The following FLVCR2 variants were observed in gnomAD, a reference collection of about 807,000 sequenced individuals.
FLVCR2 encodes the protein FLVCR choline and putative heme transporter 2.
In FLVCR2, 38 loss-of-function variants were observed where a neutral mutation model predicts 48.9. That is an observed-to-expected ratio of 0.78 (90% CI 0.60 to 1.02). FLVCR2 has a LOEUF of 1.02. FLVCR2 is among the 50% of genes least tolerant of loss of function. The probability of loss-of-function intolerance (pLI) is 0.00; values close to 1 mark genes in which losing one functional copy is unlikely to be tolerated. For missense variants in FLVCR2, 664 were observed against 663.3 expected, an observed-to-expected ratio of 1.00 and a Z score of -0.01; for synonymous variants, 255 against 257.0, an observed-to-expected ratio of 0.99 and a Z score of 0.07.
At chr14:75,597,292 AAG>A (rs1491072876) in intron 1 of FLVCR2, among the ~76,000 whole-genome samples, 319 of 71,632 alleles carry the variant, frequency 4.5e-3, no homozygotes, top group African/African-American at 0.028. Flanking sequence ...AAAAAAAAAA[AAG>A]AAGAAGAAGA....
chr14:75,640,785 C>T (rs1488541286), intron 6 of FLVCR2, 170 bp from the exon 7 acceptor site: 2 of 665,492 alleles, frequency 3.0e-6, no homozygotes, highest in African/African-American at 3.6e-5. Flanking sequence ...TCAGGGGTGC[C>T]CGTCTCCTTG....
chr14:75,641,510 C>T (rs1890308638), intron 8 of FLVCR2, among the ~76,000 whole-genome samples: 1 of 152,174 alleles, frequency 6.6e-6, no homozygotes, highest in South Asian at 2.1e-4. Context: ...CAATGACTTC[C>T]ATAGCTATTG....
chr14:75,595,830 C>T (rs1006555762), intron 1 of FLVCR2: 22 of 894,164 alleles, frequency 2.5e-5, no homozygotes, highest in Middle Eastern at 3.3e-4. Context: ...TTTGCCAGCA[C>T]CAACATTGGC....
intron 1 of FLVCR2, among the ~76,000 whole-genome samples, chr14:75,582,822 T>A (rs1466221456): frequency 6.6e-6 from 1 of 152,178 alleles, no homozygotes; most frequent in Non-Finnish European, 1.5e-5. Context: ...TTAGTCAGGA[T>A]GGTAAAACTA....
In FLVCR2 at chr14:75,639,361, C is replaced by T; in HGVS notation, c.1134C>T (p.Thr378=). Residue 378 remains threonine, a synonymous_variant, in exon 6 of 10, where the codon ACC becomes ACT. Transcript: ENST00000238667. ...LDRSKTYKET[T]LVVYIMTLVG... ...TTGCCTCTACTTGTAGAGAGACAAC[C>T]CTGGTAGTCTATATCATGACACTGG... 6.2e-7 allele frequency: 1 copy of T among 1,611,440 alleles called. No homozygotes were observed. The highest frequency in any genetic ancestry group is 8.5e-7 in the Non-Finnish European group (1 of 1,177,626).
chr14:75,624,573 C>T, intron 2 of FLVCR2, 39 bp from the exon 3 acceptor site: 1 of 1,613,712 alleles, frequency 6.2e-7, no homozygotes, highest in Non-Finnish European at 8.5e-7. Context: ...GGGGTGGGAC[C>T]ATGGGAATTT....
At chr14:75,629,121 A>G (rs1047093193) in intron 3 of FLVCR2, among the ~76,000 whole-genome samples, 4 of 152,186 alleles carry the variant, frequency 2.6e-5, no homozygotes, top group African/African-American at 7.2e-5. Context: ...TCGAGGGTCC[A>G]AGTGTTGCTG....
chr14:75,612,226 G>C (rs1889477195), intron 1 of FLVCR2, among the ~76,000 whole-genome samples: 1 of 152,158 alleles, frequency 6.6e-6, no homozygotes, highest in African/African-American at 2.4e-5. Context: ...CTTCCCTAGG[G>C]ATCAATGATT....
At chr14:75,616,026 CAAAAAAAAA>C (rs10629813) in intron 1 of FLVCR2, among the ~76,000 whole-genome samples, 3 of 25,618 alleles carry the variant, frequency 1.2e-4, no homozygotes, top group Non-Finnish European at 1.9e-4. Flanking sequence ...GACTCCATCT[CAAAAAAAAA>C]AAAAAAAAAA....
At chr14:75,602,233 C>G (rs902718240) in intron 1 of FLVCR2, among the ~76,000 whole-genome samples, 2 of 152,222 alleles carry the variant, frequency 1.3e-5, no homozygotes, top group Non-Finnish European at 2.9e-5. Flanking sequence ...CCCTCCCCTC[C>G]CCTCCCCTCC....
chr14:75,585,539 G>A (rs1888722191), intron 1 of FLVCR2, among the ~76,000 whole-genome samples: 1 of 152,138 alleles, frequency 6.6e-6, no homozygotes, highest in African/African-American at 2.4e-5. Context: ...TAAAGAGAAG[G>A]GTAGAGACAC....
chr14:75,592,563 C>G (rs935795150), intron 1 of FLVCR2, among the ~76,000 whole-genome samples: 1 of 152,246 alleles, frequency 6.6e-6, no homozygotes, highest in Non-Finnish European at 1.5e-5. Flanking sequence ...TTCTCTACCA[C>G]TTGGCCAGGC....
At chr14:75,599,540 T>C (rs1889113257) in intron 1 of FLVCR2, among the ~76,000 whole-genome samples, 1 of 152,200 alleles carries the variant, frequency 6.6e-6, no homozygotes, top group African/African-American at 2.4e-5. Context: ...TAAAGCAATA[T>C]ATAGATTTAA....
At chr14:75,596,944 T>A (rs1393586151) in intron 1 of FLVCR2, among the ~76,000 whole-genome samples, 1 of 152,172 alleles carries the variant, frequency 6.6e-6, no homozygotes, top group African/African-American at 2.4e-5. Context: ...TCATTTCATT[T>A]TTTAAAAATG....
chr14:75,620,729 C>A (rs1444441437), intron 1 of FLVCR2, among the ~76,000 whole-genome samples: 1 of 152,218 alleles, frequency 6.6e-6, no homozygotes, highest in Non-Finnish European at 1.5e-5. Flanking sequence ...CTCTACACAG[C>A]AACTATGAGT....
At chr14:75,596,082 T>C (rs1459319708) in intron 1 of FLVCR2, 10 of 1,139,946 alleles carry the variant, frequency 8.8e-6, no homozygotes, top group Non-Finnish European at 1.3e-5. Flanking sequence ...GGCTAGTTTT[T>C]CCCAAATTTC....
chr14:75,600,875 G>A (rs1432526601), intron 1 of FLVCR2, among the ~76,000 whole-genome samples: 10 of 145,692 alleles, frequency 6.9e-5, no homozygotes, highest in Admixed American at 1.4e-4. Context: ...CAACTCAACC[G>A]CAAAAAAAAA....
intron 1 of FLVCR2, among the ~76,000 whole-genome samples, chr14:75,582,208 A>G (rs1284436987): frequency 6.6e-6 from 1 of 152,168 alleles, no homozygotes; most frequent in Admixed American, 6.5e-5. Context: ...AGCAGCCTTG[A>G]GAAGAGTTTT....
At chr14:75,611,232 G>C (rs1051144860) in intron 1 of FLVCR2, among the ~76,000 whole-genome samples, 1 of 152,122 alleles carries the variant, frequency 6.6e-6, no homozygotes, top group Non-Finnish European at 1.5e-5. Context: ...TGCTTCCTCC[G>C]ACAGCTACAC....
Sources: gnomAD v4.1 joint callset for allele counts (sites outside exome capture counted in the v4.1 genomes callset) on GRCh38, gnomAD v4.1.1 for gene constraint, MANE v1.5 for transcripts, NCBI Gene and HGNC (gene_info 2026-07-23, HGNC 2026-07-21) for gene names.